SLC30A3: variants seen among roughly 807,000 people sequenced by gnomAD.
The protein encoded by SLC30A3 is probable proton-coupled zinc antiporter SLC30A3.
Under a neutral mutation model 35.6 loss-of-function variants are expected in SLC30A3, and 20 were observed. That is an observed-to-expected ratio of 0.56 (90% CI 0.39 to 0.82). The LOEUF (loss-of-function observed/expected upper bound fraction) is 0.82. Among genes scored for constraint, SLC30A3 ranks in the 40% least tolerant of loss-of-function variants. SLC30A3 has a pLI of 0.00. For missense variants in SLC30A3, 401 were observed against 530.6 expected, an observed-to-expected ratio of 0.76 and a Z score of 2.40; for synonymous variants, 217 against 224.7, an observed-to-expected ratio of 0.97 and a Z score of 0.31.
rs1265853713 is a variant in SLC30A3, at chr2:27,255,284, G to A, written c.*28C>T. On this transcript the variant is annotated 3_prime_UTR_variant, in exon 8 of 8. Transcript: ENST00000233535. The surrounding 1 kb of genome is among the most constrained non-coding windows in gnomAD (Gnocchi z 5.2). ...AGAGTCTGGGGCTGAGCCTCGGCCTGGCAGTGGGGTGAGGGCAGGGCCATG... is the reference window on the plus strand; with the variant it reads ...AGAGTCTGGGGCTGAGCCTCGGCCTAGCAGTGGGGTGAGGGCAGGGCCATG... 103 of 1,612,512 alleles carry A rather than the reference G, an allele frequency of 6.4e-5. No individual in the cohort carries two copies. The highest frequency in any genetic ancestry group is 8.7e-5 in the Non-Finnish European group (102 of 1,179,156).
upstream of SLC30A3, among the ~76,000 whole-genome samples, chr2:27,264,614 C>T (rs1449264515): frequency 2.0e-5 from 3 of 152,168 alleles, no homozygotes; most frequent in African/African-American, 7.2e-5. The surrounding 1 kb of genome is among the most constrained non-coding windows in gnomAD (Gnocchi z 6.1). Flanking sequence ...GCCGTCCCCA[C>T]CCCCGGCTGC....
chr2:27,265,077 C>A (rs1270652827), upstream of SLC30A3, among the ~76,000 whole-genome samples: 1 of 152,206 alleles, frequency 6.6e-6, no homozygotes, highest in African/African-American at 2.4e-5. This position sits in a 1 kb window ranked among gnomAD's most constrained non-coding sequence, Gnocchi z 5.9. Context: ...GGGTCCTATG[C>A]GGGGAAAGGG....
upstream of SLC30A3, chr2:27,264,152 C>A: frequency 1.0e-6 from 1 of 961,116 alleles, no homozygotes; most frequent in Non-Finnish European, 1.5e-6. The surrounding 1 kb of genome is among the most constrained non-coding windows in gnomAD (Gnocchi z 6.1). Context: ...AGAGGAGGGT[C>A]CGTAGGAGGA....
At position 27,263,022 on chromosome 2, in the gene SLC30A3, C is replaced by T. The variant is rs1357481552; in HGVS notation, c.-116G>A. The stretch of plus-strand genomic sequence containing the variant: ...GGATCCCCGCAGGGCGGCGGGGCCA[C>T]CAGAGTGGAGCGAACTGCAGCGACT... On this transcript the variant is annotated 5_prime_UTR_variant, in exon 1 of 8. The change creates a new upstream start codon in the 5' untranslated region. Transcript: ENST00000233535. The T allele has an allele frequency of 2.1e-6, 3 of 1,399,384 alleles. No individual in the cohort carries two copies. The highest frequency in any genetic ancestry group is 6.2e-5 in the East Asian group (2 of 32,470). 86.7% of individuals were successfully genotyped at this position (1,399,384 alleles called of 1,614,324 possible).
upstream of SLC30A3, chr2:27,275,379 A>G (rs1234288579): frequency 4.5e-6 from 2 of 446,156 alleles, no homozygotes; most frequent in Non-Finnish European, 8.0e-6. Flanking sequence ...AATAAGTCCC[A>G]GGGCCAATGT....
intron 1 of SLC30A3, among the ~76,000 whole-genome samples, chr2:27,261,392 G>C (rs1212023487): frequency 1.3e-5 from 2 of 152,178 alleles, no homozygotes; most frequent in African/African-American, 4.8e-5. Flanking sequence ...AAATGCTGCA[G>C]GATTCGGTGA....
At chr2:27,266,223 T>C (rs998246377), upstream of SLC30A3, among the ~76,000 whole-genome samples, 2 of 152,038 alleles carry the variant, frequency 1.3e-5, no homozygotes, top group African/African-American at 4.8e-5. Flanking sequence ...CCATGCTGGG[T>C]CAACACACTG....
Position 27,258,858 on chromosome 2 carries a change from C to T in SLC30A3, c.172G>A (p.Asp58Asn), listed in dbSNP as rs141176570. Reference protein sequence around the residue: ...VEMPFHHCHRDPLPPPGLTPE... With the variant: ...VEMPFHHCHRNPLPPPGLTPE... The stretch of plus-strand genomic sequence containing the variant: ...GTAAGGCCCGGCGGCGGAAGGGGGT[C>T]CCTGTGGCAGTGGTGGAAGGGCATC... The change falls in exon 2 of 8, where the codon GAC becomes AAC. Residue 58 changes from aspartate (D) to asparagine (N), a missense_variant. Around this residue, in one of 3 missense-constraint regions of SLC30A3, gnomAD observed 103 missense variants for 120.7 expected, o/e 0.85. Transcript: ENST00000233535. The surrounding 1 kb of genome is among the most constrained non-coding windows in gnomAD (Gnocchi z 4.0). 3.1e-6 allele frequency: 5 copies of T among 1,614,074 alleles called. No homozygotes were observed. Among genetic ancestry groups the T allele is most frequent in the Non-Finnish European group, 3.4e-6 (4 of 1,179,958 alleles).
chr2:27,268,802 G>T (rs141665922), intron 1 of SLC30A3, among the ~76,000 whole-genome samples: 106 of 152,130 alleles, frequency 7.0e-4, no homozygotes, highest in Non-Finnish European at 1.2e-3. Flanking sequence ...TAAGGTCAGC[G>T]TTCACTGCCA....
intron 1 of SLC30A3, among the ~76,000 whole-genome samples, chr2:27,274,924 C>G (rs1677935126): frequency 6.6e-6 from 1 of 152,064 alleles, no homozygotes; most frequent in African/African-American, 2.4e-5. Context: ...GGAAAAGGCT[C>G]AATACATCAT....
chr2:27,275,311 T>C, exon 1 of SLC30A3: 1 of 919,684 alleles, frequency 1.1e-6, no homozygotes, highest in South Asian at 1.4e-5. Context: ...GCAACGCTCC[T>C]ACGCTGCCTT....
intron 1 of SLC30A3, among the ~76,000 whole-genome samples, chr2:27,260,199 C>T (rs1421201066): frequency 6.6e-6 from 1 of 152,008 alleles, no homozygotes; most frequent in Non-Finnish European, 1.5e-5. Context: ...CTTTAAGAGA[C>T]GAGCGGGACA....
rs1417515655 is a variant in SLC30A3 at position 27,257,151 on chromosome 2, T to C, written c.777+3A>G. Reference sequence around the variant, plus strand: ...GGCTGGGGCAGGTCTCCAATGATGGTACCTTGAAGTAGATGAGGATGGAGG... The same window carrying C: ...GGCTGGGGCAGGTCTCCAATGATGGCACCTTGAAGTAGATGAGGATGGAGG... On this transcript the variant is annotated splice_donor_region_variant and intron_variant, in intron 5 of 7. Transcript: ENST00000233535. This position sits in a 1 kb window ranked among gnomAD's most constrained non-coding sequence, Gnocchi z 4.7. The C allele has an allele frequency of 6.2e-7, 1 of 1,613,418 alleles. No homozygotes were observed. Among genetic ancestry groups the C allele is most frequent in the Non-Finnish European group, 8.5e-7 (1 of 1,179,562 alleles).
At chr2:27,263,154 CT>C, upstream of SLC30A3, 1 of 1,303,876 alleles carries the variant, frequency 7.7e-7, no homozygotes, top group Non-Finnish European at 9.9e-7. Context: ...TCTCCCCACC[CT>C]TAAGCCCCGC....
chr2:27,263,086 C>CCCCGCTGCCGCT, upstream of SLC30A3: 3 of 1,348,448 alleles, frequency 2.2e-6, no homozygotes. Flanking sequence ...CCGCTGCCGC[C>CCCCGCTGCCGCT]GGAGCCCCGC....
In SLC30A3 at chr2:27,258,886, C is replaced by T; in HGVS notation, c.144G>A (p.Val48=). ...TGTGGCAGTGGTGGAAGGGCATCTC[C>T]ACAGGTTTGGACTCCTCAGGGAGGG... ...SEPLPEESKP[V]EMPFHHCHRD... Residue 48 remains valine, a synonymous_variant, in exon 2 of 8, where the codon GTG becomes GTA. Transcript: ENST00000233535. The surrounding 1 kb of genome is among the most constrained non-coding windows in gnomAD (Gnocchi z 4.0). The T allele has an allele frequency of 6.2e-7, 1 of 1,613,612 alleles. No individual in the cohort carries two copies. The highest frequency in any genetic ancestry group is 8.5e-7 in the Non-Finnish European group (1 of 1,179,836).
chr2:27,258,915 C>A lies in SLC30A3; in HGVS notation c.115G>T (p.Glu39Ter). 1 of 1,603,214 alleles carries A rather than the reference C, an allele frequency of 6.2e-7. No homozygotes were observed. The highest frequency in any genetic ancestry group is 8.5e-7 in the Non-Finnish European group (1 of 1,174,692). ...GGTTTGGACTCCTCAGGGAGGGGCT[C>A]TGAGGGCTCTGTGAAGAGACTGAGG... ...RLKSLFTEPSEPLPEESKPVE... is the reference protein window; with the variant it reads ...RLKSLFTEPS The change falls in exon 2 of 8, where the codon GAG (glutamate) becomes TAG (stop). Residue 39 changes from glutamate to a stop codon, truncating the protein, a stop_gained. Coordinates refer to ENST00000233535, the MANE Select transcript of SLC30A3 (RefSeq NM_003459.5). LOFTEE classifies it high-confidence loss of function. The surrounding 1 kb of genome is among the most constrained non-coding windows in gnomAD (Gnocchi z 4.0).
At position 27,271,544 on chromosome 2, in the gene SLC30A3, A is replaced by C. The variant is rs1056823404; in HGVS notation, c.-159+3633T>G. On this transcript the variant is annotated intron_variant, in intron 1 of 5. Transcript: ENST00000424577. The surrounding 1 kb of genome is among the most constrained non-coding windows in gnomAD (Gnocchi z 4.3). Reference sequence around the variant, plus strand: ...GAAATGGCACAGGTTTTTATAGAAGAGGAAAAATAGACTCAGAGATGAAAT... The same window carrying C: ...GAAATGGCACAGGTTTTTATAGAAGCGGAAAAATAGACTCAGAGATGAAAT... Among the ~76,000 whole-genome samples the C allele has an allele frequency of 7.9e-5, 12 of 152,254 alleles. No individual in the cohort carries two copies.
rs1460707254 is a variant in SLC30A3, at chr2:27,258,567, C to T, written c.277+186G>A. ...GCCCTGACCTACTGGCCCCGGACCT[C>T]GGCTGGAATTCCCTTTGTTGCTGTC... is the stretch of plus-strand genomic sequence containing the variant. On this transcript the variant is annotated intron_variant, in intron 2 of 7. Coordinates refer to ENST00000233535, the MANE Select transcript of SLC30A3 (RefSeq NM_003459.5). The surrounding 1 kb of genome is among the most constrained non-coding windows in gnomAD (Gnocchi z 4.0). The T allele has an allele frequency of 5.7e-6, 4 of 701,728 alleles. No homozygotes were observed. Among genetic ancestry groups the T allele is most frequent in the African/African-American group, 5.4e-5 (3 of 55,102 alleles). The allele number at this position is 701,728 out of a possible 1,614,324, so 43.5% of individuals were successfully genotyped here.
Sources: gnomAD v4.1 joint callset for allele counts (sites outside exome capture counted in the v4.1 genomes callset) on GRCh38, gnomAD v4.1.1 for gene constraint, gnomAD v4.1.1 regional missense constraint, Gnocchi (gnomAD v3.1) non-coding constraint, MANE v1.5 for transcripts, NCBI Gene and HGNC (gene_info 2026-07-23, HGNC 2026-07-21) for gene names.